The following CEP135 variants were observed in gnomAD, a reference collection of about 807,000 sequenced individuals.
CEP135 encodes centrosomal protein 135.
Under a neutral mutation model 157.3 loss-of-function variants are expected in CEP135, and 142 were observed. The observed-to-expected ratio is 0.90, with a 90% confidence interval of 0.79 to 1.04. The LOEUF (loss-of-function observed/expected upper bound fraction) is 1.04, where lower values mean the gene tolerates loss of function less well. Among genes scored for constraint, CEP135 ranks in the 50% least tolerant of loss-of-function variants. The pLI, the probability that CEP135 is intolerant of heterozygous loss-of-function variation, is 0.00. For missense variants in CEP135, 1,317 were observed against 1,309.2 expected (o/e 1.01, Z -0.09); for synonymous variants, 396 against 439.8 (o/e 0.90, Z 1.25).
intron 5 of CEP135, among the ~76,000 whole-genome samples, chr4:55,958,249 A>T (rs191493221): frequency 1.3e-5 from 2 of 152,188 alleles, no homozygotes; most frequent in Admixed American, 1.3e-4. Flanking sequence ...AGCCTGGTCA[A>T]TATAGTGAGA....
Position 56,011,469 on chromosome 4 carries a change from G to A in CEP135, c.2563G>A (p.Val855Ile). The A allele has an allele frequency of 6.2e-7, 1 of 1,612,540 alleles. No individual in the cohort carries two copies. Among genetic ancestry groups the A allele is most frequent in the Non-Finnish European group, 8.5e-7 (1 of 1,179,616 alleles). ...AGAAAAAGAAGAAATGAAGAGCAGA[G>A]TTCATAAATACATAACAGAGGTGTC... is the stretch of plus-strand genomic sequence containing the variant. ...VQEKEEMKSR[V>I]HKYITEVSRW... Residue 855 changes from valine to isoleucine, a missense_variant, in exon 20 of 26, where the codon GTT becomes ATT. Transcript: ENST00000257287.
At chr4:55,960,377 GTTATA>G (rs1254581125) in intron 6 of CEP135, 1 of 152,308 alleles carries the variant, frequency 6.6e-6, no homozygotes, top group African/African-American at 2.4e-5. Flanking sequence ...TAGATGCAGA[GTTATA>G]TTATAACCAT....
intron 15 of CEP135, among the ~76,000 whole-genome samples, chr4:55,995,456 CT>C (rs1396810746): frequency 6.6e-6 from 1 of 152,100 alleles, no homozygotes. Context: ...GAACCTGTGA[CT>C]GTATTATCTC....
chr4:55,989,168 G>A (rs1729705155), intron 14 of CEP135, among the ~76,000 whole-genome samples: 2 of 152,058 alleles, frequency 1.3e-5, no homozygotes, highest in Admixed American at 1.3e-4. Flanking sequence ...ACTCAAATAT[G>A]CCACACCCAA....
chr4:55,968,755 G>C (rs957436128), intron 8 of CEP135, among the ~76,000 whole-genome samples: 2 of 152,134 alleles, frequency 1.3e-5, no homozygotes, highest in Non-Finnish European at 1.5e-5. Context: ...AAGCAAATAG[G>C]ATAGGAAAAT....
At chr4:55,992,572 A>G (rs990621780) in intron 15 of CEP135, among the ~76,000 whole-genome samples, 4 of 152,190 alleles carry the variant, frequency 2.6e-5, no homozygotes, top group African/African-American at 9.7e-5. Context: ...AGACATATCA[A>G]TAGTGTTCCT....
intron 1 of CEP135, among the ~76,000 whole-genome samples, chr4:55,951,703 C>T (rs190583256): frequency 6.6e-6 from 1 of 152,118 alleles, no homozygotes; most frequent in Non-Finnish European, 1.5e-5. Context: ...TTTGCCTTCT[C>T]TATTTTAATT....
At chr4:55,963,982 A>G (rs1388416634) in intron 6 of CEP135, among the ~76,000 whole-genome samples, 1 of 152,212 alleles carries the variant, frequency 6.6e-6, no homozygotes, top group Non-Finnish European at 1.5e-5. Context: ...TTCTTTTTAT[A>G]TAAACATTGT....
intron 25 of CEP135, among the ~76,000 whole-genome samples, chr4:56,026,765 A>C (rs556807234): frequency 6.6e-6 from 1 of 152,350 alleles, no homozygotes; most frequent in South Asian, 2.1e-4. Flanking sequence ...GAAGGATCAA[A>C]GGGATGTGCT....
rs765515622 is a variant in CEP135, at chr4:56,011,814, A to G, written c.2631A>G (p.Gln877=). 6 of 1,569,576 alleles carry G rather than the reference A, an allele frequency of 3.8e-6. No individual in the cohort carries two copies. The South Asian group carries it at 4.8e-5, about 12-fold the overall frequency. The change falls in exon 21 of 26, where the codon CAA becomes CAG. Residue 877 remains glutamine (Q), a synonymous_variant. Coordinates refer to ENST00000257287, the MANE Select transcript of CEP135 (RefSeq NM_025009.5). ...SLMAAKEKEN[Q]DLLDRFQMLH... ...GATTAAACCAGGAAAAAGAAAATCA[A>G]GATTTGTTAGATAGATTTCAGATGC...
At chr4:55,968,214 A>G (rs1469410160) in intron 8 of CEP135, among the ~76,000 whole-genome samples, 1 of 152,200 alleles carries the variant, frequency 6.6e-6, no homozygotes, top group Admixed American at 6.5e-5. Flanking sequence ...ATGAGATGAA[A>G]AACCCTTACA....
At chr4:56,001,169 T>C (rs1730158171) in intron 17 of CEP135, among the ~76,000 whole-genome samples, 1 of 152,190 alleles carries the variant, frequency 6.6e-6, no homozygotes, top group Non-Finnish European at 1.5e-5. Context: ...CCTTGTCAGA[T>C]GGATAGTTTG....
chr4:56,027,925 A>G (rs1731210493), intron 25 of CEP135, among the ~76,000 whole-genome samples: 1 of 151,994 alleles, frequency 6.6e-6, no homozygotes, highest in Non-Finnish European at 1.5e-5. Context: ...TCACTCTCCA[A>G]TCCCCAGACC....
chr4:56,023,345 A>T (rs1001258096), intron 24 of CEP135, among the ~76,000 whole-genome samples: 1 of 152,260 alleles, frequency 6.6e-6, no homozygotes, highest in Non-Finnish European at 1.5e-5. Context: ...CAGAAGATGT[A>T]GTGTCATGCA....
intron 17 of CEP135, among the ~76,000 whole-genome samples, chr4:56,002,315 G>T (rs1348548873): frequency 6.6e-6 from 1 of 152,028 alleles, no homozygotes; most frequent in Non-Finnish European, 1.5e-5. Context: ...TCCTTGGCTT[G>T]TTCCAGATCT....
intron 11 of CEP135, among the ~76,000 whole-genome samples, chr4:55,975,678 A>G (rs1448835458): frequency 6.6e-6 from 1 of 151,984 alleles, no homozygotes; most frequent in Non-Finnish European, 1.5e-5. Context: ...TCTTCTTTTA[A>G]GCTTTGGAGT....
In CEP135 at chr4:56,023,277, C is replaced by T. The variant is rs375828082; in HGVS notation, c.3321-1224C>T. Among the ~76,000 whole-genome samples, 11 of 149,958 alleles carry T rather than the reference C, an allele frequency of 7.3e-5. 2 individuals are homozygous for T. Among genetic ancestry groups the T allele is most frequent in the African/African-American group, 2.7e-4 (11 of 40,202 alleles). The stretch of plus-strand genomic sequence containing the variant: ...GCTATGGGGAACATCAAAGTATAGG[C>T]AGGAGAAAAGGATCCAGTAACAGAG... On this transcript the variant is annotated intron_variant, in intron 24 of 25. Transcript: ENST00000257287.
chr4:55,975,525 A>T (rs763231693), intron 11 of CEP135, among the ~76,000 whole-genome samples: 1 of 152,194 alleles, frequency 6.6e-6, no homozygotes, highest in African/African-American at 2.4e-5. Context: ...TGTTCTCTCT[A>T]TGTTATTTTC....
intron 6 of CEP135, among the ~76,000 whole-genome samples, chr4:55,961,315 T>C (rs1177613098): frequency 1.3e-5 from 2 of 152,202 alleles, no homozygotes; most frequent in Non-Finnish European, 2.9e-5. Context: ...ACAGCTTGAC[T>C]ACTCTGATTA....
Sources: allele counts gnomAD v4.1 joint callset (sites outside exome capture counted in the v4.1 genomes callset), GRCh38; gene constraint gnomAD v4.1.1; transcripts MANE v1.5; gene names NCBI Gene and HGNC (gene_info 2026-07-23, HGNC 2026-07-21).